Variants in UNC5B observed in about 807,000 individuals in gnomAD.
UNC5B encodes netrin receptor UNC5B.
Under a neutral mutation model 103.7 loss-of-function variants are expected in UNC5B, and 56 were observed. The observed-to-expected ratio is 0.54, with a 90% CI of 0.44 to 0.67. The LOEUF (loss-of-function observed/expected upper bound fraction) is 0.67. UNC5B is among the 30% of genes least tolerant of loss of function. UNC5B has a pLI of 0.00. For synonymous variants in UNC5B, 577 were observed against 542.0 expected (o/e 1.06, Z -0.90); for missense variants, 1,194 against 1,284.5 (o/e 0.93, Z 1.08).
In UNC5B at chr10:71,288,990, C is replaced by G. The variant is rs577572162; in HGVS notation, c.1099C>G (p.Leu367Val). 1 of 1,614,228 alleles carries G rather than the reference C, an allele frequency of 6.2e-7. No homozygotes were observed. The highest frequency in any genetic ancestry group is 2.2e-5 in the East Asian group (1 of 44,890). The change falls in exon 8 of 17, where the codon CTG becomes GTG. Residue 367 changes from leucine to valine, a missense_variant and splice_region_variant. Physicochemically the swap from Leu to Val is conservative, Grantham distance 32. Transcript: ENST00000335350. ...AACTCTAAGCGACCCCAACAGCCAC[C>G]GTAAGTCCCATTTCATGGCTGTCCT... is the stretch of plus-strand genomic sequence containing the variant. Reference protein sequence around the residue: ...KKTLSDPNSHLLEASGDAALY... With the variant: ...KKTLSDPNSHVLEASGDAALY...
intron 1 of UNC5B, among the ~76,000 whole-genome samples, chr10:71,247,172 G>A (rs113462093): frequency 7.0e-4 from 107 of 152,326 alleles, no homozygotes; most frequent in African/African-American, 2.6e-3. Context: ...TAGACCACCA[G>A]CTTATTCACA....
intron 1 of UNC5B, among the ~76,000 whole-genome samples, chr10:71,218,557 T>A (rs942901811): frequency 2.0e-5 from 3 of 152,194 alleles, no homozygotes; most frequent in African/African-American, 7.2e-5. Context: ...CCCTGCTGAG[T>A]GCAGATGGGA....
chr10:71,273,181 G>A (rs1249647299), intron 1 of UNC5B, among the ~76,000 whole-genome samples: 2 of 152,254 alleles, frequency 1.3e-5, no homozygotes, highest in African/African-American at 2.4e-5. Flanking sequence ...GAGCCGCCGC[G>A]CCCGGCCCAC....
At chr10:71,262,581 TG>T (rs1476289497) in intron 1 of UNC5B, among the ~76,000 whole-genome samples, 3 of 152,186 alleles carry the variant, frequency 2.0e-5, no homozygotes, top group Non-Finnish European at 4.4e-5. Context: ...TGTGCCAGGC[TG>T]GCACTGGGTT....
At chr10:71,264,104 T>C (rs1156246980) in intron 1 of UNC5B, among the ~76,000 whole-genome samples, 1 of 152,234 alleles carries the variant, frequency 6.6e-6, no homozygotes, top group Admixed American at 6.5e-5. Context: ...TGGTGGATAG[T>C]TCCTGCCATT....
rs12247376 is a variant in UNC5B, at chr10:71,256,907, G to A, written c.80-22914G>A. 9.6e-3 allele frequency among the ~76,000 whole-genome samples: 1,463 copies of A among 152,344 alleles called. 17 individuals carry two copies. Among genetic ancestry groups the A allele is most frequent in the African/African-American group, 0.032 (1,347 of 41,578 alleles). On this transcript the variant is annotated intron_variant, in intron 1 of 16. Coordinates refer to ENST00000335350, the MANE Select transcript of UNC5B (RefSeq NM_170744.5). Reference sequence around the variant, plus strand: ...GGGATGTCACAAGAACACGGCAGCCGGTGTGGAGTGGAGAGGAAGACCTTG... The same window carrying A: ...GGGATGTCACAAGAACACGGCAGCCAGTGTGGAGTGGAGAGGAAGACCTTG...
chr10:71,289,109 A>C, intron 8 of UNC5B, 119 bp downstream of exon 8: 1 of 1,332,760 alleles, frequency 7.5e-7, no homozygotes, highest in Non-Finnish European at 1.1e-6. Flanking sequence ...CCCACCCCCC[A>C]CGGGATCATC....
chr10:71,295,927 C>G lies in UNC5B; in HGVS notation c.2292C>G (p.Ala764=). The G allele has an allele frequency of 2.5e-6, 4 of 1,613,212 alleles. No homozygotes were observed. The highest frequency in any genetic ancestry group is 3.4e-6 in the Non-Finnish European group (4 of 1,180,026). The part of the protein sequence containing the change: ...LRLSLHDLPH[A]HWRSKLLAKY... Reference sequence around the variant, plus strand: ...TCTCCCTCCATGACCTCCCCCATGCCCATTGGAGGAGCAAGCTGCTGGCCA... The same window carrying G: ...TCTCCCTCCATGACCTCCCCCATGCGCATTGGAGGAGCAAGCTGCTGGCCA... The change falls in exon 14 of 17, where the codon GCC becomes GCG. Residue 764 remains alanine, a synonymous_variant. Transcript: ENST00000335350.
chr10:71,275,608 G>A (rs74147807), intron 1 of UNC5B, among the ~76,000 whole-genome samples: 2,208 of 152,122 alleles, frequency 0.015, 52 homozygotes, highest in African/African-American at 0.048. Flanking sequence ...GCCCCCTAGC[G>A]GTGCCACTTA....
rs115202439 is a variant in UNC5B, at chr10:71,269,446, T to A, written c.80-10375T>A. On this transcript the variant is annotated intron_variant, in intron 1 of 16. Transcript: ENST00000335350. The stretch of plus-strand genomic sequence containing the variant: ...TGATCTGGAGCCAGACCACACCCTC[T>A]CTGGTCTCCATCCTTGAGGGCAGTG... Among the ~76,000 whole-genome samples, 889 of 146,286 alleles carry A rather than the reference T, an allele frequency of 6.1e-3. 8 individuals are homozygous for A. Among genetic ancestry groups the A allele is most frequent in the African/African-American group, 0.021 (833 of 40,240 alleles).
chr10:71,249,412 T>A (rs975703334), intron 1 of UNC5B, among the ~76,000 whole-genome samples: 1 of 152,212 alleles, frequency 6.6e-6, no homozygotes, highest in African/African-American at 2.4e-5. Context: ...GATTGAGGGC[T>A]CCCCAGGGGG....
rs111345852 is a variant in UNC5B, at chr10:71,292,488, A to G, written c.1706A>G (p.Asn569Ser). ...PGTGVSLLVP[N>S]GAIPQGKFYE... ...CTAGGGGTCAGCTTGCTGGTGCCCAATGGAGCCATTCCCCAGGGCAAGTTC... is the reference window on the plus strand; with the variant it reads ...CTAGGGGTCAGCTTGCTGGTGCCCAGTGGAGCCATTCCCCAGGGCAAGTTC... Residue 569 changes from asparagine (N) to serine (S), a missense_variant, in exon 11 of 17, where the codon AAT (asparagine) becomes AGT (serine). Transcript: ENST00000335350. 142 of 1,602,346 alleles carry G rather than the reference A, an allele frequency of 8.9e-5. No homozygotes were observed. Among genetic ancestry groups the G allele is most frequent in the Admixed American group, 3.2e-4 (19 of 58,504 alleles).
intron 1 of UNC5B, among the ~76,000 whole-genome samples, chr10:71,237,276 C>G (rs1245832530): frequency 6.6e-6 from 1 of 152,226 alleles, no homozygotes; most frequent in Non-Finnish European, 1.5e-5. Flanking sequence ...ATACTACCCT[C>G]CCTGCTTCCA....
At chr10:71,273,467 T>A (rs1844693340) in intron 1 of UNC5B, among the ~76,000 whole-genome samples, 1 of 152,216 alleles carries the variant, frequency 6.6e-6, no homozygotes, top group African/African-American at 2.4e-5. Flanking sequence ...AATCTCCCTC[T>A]CAGGAATGTT....
At chr10:71,244,763 CTA>C (rs1589161753) in intron 1 of UNC5B, among the ~76,000 whole-genome samples, 2 of 152,332 alleles carry the variant, frequency 1.3e-5, no homozygotes, top group East Asian at 3.9e-4. Flanking sequence ...CCTGCAGGTC[CTA>C]GGGACACCCT....
At chr10:71,265,894 T>A (rs1844512878) in intron 1 of UNC5B, among the ~76,000 whole-genome samples, 2 of 152,170 alleles carry the variant, frequency 1.3e-5, no homozygotes, top group South Asian at 4.1e-4. Flanking sequence ...ATGCCACACT[T>A]TCTTTCACAC....
chr10:71,295,078 C>T (rs1845372640), intron 13 of UNC5B, among the ~76,000 whole-genome samples: 1 of 152,222 alleles, frequency 6.6e-6, no homozygotes. Flanking sequence ...CTCCCAGGCT[C>T]ATGGGACTTG....
Position 71,297,918 on chromosome 10 carries a change from G to A in UNC5B, c.2500G>A (p.Gly834Ser). Reference protein sequence around the residue: ...LHTTLAETPAGSLDTLCSAPG... With the variant: ...LHTTLAETPASSLDTLCSAPG... ...GCCCCCACCCTTGCAGACACCTGCT[G>A]GCTCCCTGGACACTCTCTGCTCTGC... Residue 834 changes from glycine to serine, a missense_variant, in exon 16 of 17, where the codon GGC (glycine) becomes AGC (serine). Physicochemically the swap from Gly to Ser is moderately conservative, Grantham distance 56. Coordinates refer to ENST00000335350, the MANE Select transcript of UNC5B (RefSeq NM_170744.5). 1 of 1,612,292 alleles carries A rather than the reference G, an allele frequency of 6.2e-7. No homozygotes were observed. Among genetic ancestry groups the A allele is most frequent in the Non-Finnish European group, 8.5e-7 (1 of 1,179,258 alleles).
chr10:71,282,462 C>T (rs182980205), intron 2 of UNC5B, among the ~76,000 whole-genome samples: 2 of 152,156 alleles, frequency 1.3e-5, no homozygotes, highest in Non-Finnish European at 2.9e-5. Flanking sequence ...ACGCCTCCTC[C>T]CTGGTGGTTG....
Sources: allele counts gnomAD v4.1 joint callset (sites outside exome capture counted in the v4.1 genomes callset), GRCh38; gene constraint gnomAD v4.1.1; transcripts MANE v1.5; gene names NCBI Gene and HGNC (gene_info 2026-07-23, HGNC 2026-07-21).